MYH16: variants seen among roughly 807,000 people sequenced by gnomAD.
The protein encoded by MYH16 is myosin heavy chain 16, also known as putative uncharacterized protein MYH16.
chr7:99,261,767 AG>A (rs1791939990), intron 13 of MYH16: 1 of 152,374 alleles, frequency 6.6e-6, no homozygotes, highest in Non-Finnish European at 1.5e-5. Flanking sequence ...ATGGTATAAC[AG>A]GGTAATCAGC....
downstream of MYH16, among the ~76,000 whole-genome samples, chr7:99,307,137 C>T (rs1330419974): frequency 6.6e-6 from 1 of 152,188 alleles, no homozygotes; most frequent in Non-Finnish European, 1.5e-5. Flanking sequence ...TGTGATGCCA[C>T]TTGACACTAG....
chr7:99,284,074 G>C, intron 25 of MYH16, 56 bp downstream of exon 7: 4 of 400,860 alleles, frequency 1.0e-5, no homozygotes, highest in South Asian at 7.4e-5. Flanking sequence ...AGCTGGAGCT[G>C]CCTGGAGGGT....
At chr7:99,260,407 T>C (rs1484868111) in intron 12 of MYH16, 2 of 644,874 alleles carry the variant, frequency 3.1e-6, no homozygotes, top group Non-Finnish European at 2.7e-6. Context: ...TGCAGGGAGG[T>C]GGCACTTGGC....
chr7:99,302,299 C>CAAAAAAA (rs1267029344), intron 38 of MYH16, among the ~76,000 whole-genome samples: 2 of 87,632 alleles, frequency 2.3e-5, no homozygotes, highest in African/African-American at 1.3e-4. Flanking sequence ...GTGACCATCT[C>CAAAAAAA]AAAAAAAAAA....
At chr7:99,259,693 T>C (rs1791915634) in intron 11 of MYH16, among the ~76,000 whole-genome samples, 1 of 150,392 alleles carries the variant, frequency 6.6e-6, no homozygotes, top group Admixed American at 6.6e-5. Flanking sequence ...CTCTTTAATA[T>C]ATATGTGTGT....
chr7:99,280,092 T>C (rs1688041676), intron 22 of MYH16, among the ~76,000 whole-genome samples: 1 of 152,212 alleles, frequency 6.6e-6, no homozygotes, highest in Non-Finnish European at 1.5e-5. Flanking sequence ...AGACTGGTCT[T>C]GAACGCCTCA....
In MYH16 at chr7:99,295,106, C is replaced by T. The variant is rs111431103; in HGVS notation, n.4282+956C>T. ...GAAAGTTACATAATACGGCCGGGCG[C>T]GGTGGCTCATGCCTGTAATTCTAGC... On this transcript the variant is annotated intron_variant and non_coding_transcript_variant, in intron 33 of 41. Transcript: ENST00000439784. Among the ~76,000 whole-genome samples the T allele has an allele frequency of 7.0e-3, 1,059 of 151,926 alleles. 15 individuals carry two copies. Among genetic ancestry groups the T allele is most frequent in the African/African-American group, 0.024 (1,003 of 41,450 alleles).
intron 9 of MYH16, chr7:99,255,743 A>G (rs1008623050): frequency 6.5e-6 from 1 of 152,758 alleles, no homozygotes; most frequent in African/African-American, 2.4e-5. Flanking sequence ...CTCTGCATGC[A>G]TGGCCACTAG....
chr7:99,283,072 C>T (rs1354590999), intron 23 of MYH16, among the ~76,000 whole-genome samples: 1 of 152,158 alleles, frequency 6.6e-6, no homozygotes, highest in Non-Finnish European at 1.5e-5. Flanking sequence ...ATCACTGTGA[C>T]AACCAGAAGC....
chr7:99,254,710 C>T (rs1420654494), intron 8 of MYH16, among the ~76,000 whole-genome samples: 1 of 152,250 alleles, frequency 6.6e-6, no homozygotes, highest in Non-Finnish European at 1.5e-5. Context: ...GTCTTACACA[C>T]ACACACCTCC....
At chr7:99,287,457 C>A (rs1792294768) in intron 28 of MYH16, among the ~76,000 whole-genome samples, 1 of 149,808 alleles carries the variant, frequency 6.7e-6, no homozygotes, top group African/African-American at 2.5e-5. Context: ...TCACCTGAAC[C>A]CAGGAGGCGG....
intron 1 of MYH16, among the ~76,000 whole-genome samples, chr7:99,241,108 G>A (rs1791662223): frequency 6.6e-6 from 1 of 152,224 alleles, no homozygotes; most frequent in Non-Finnish European, 1.5e-5. Context: ...ATTTCCTTGA[G>A]TATCTGCAGC....
intron 12 of MYH16, chr7:99,260,975 G>A (rs1051452413): frequency 1.4e-4 from 21 of 152,210 alleles, no homozygotes; most frequent in African/African-American, 5.1e-4. Flanking sequence ...GCTGAGGGAG[G>A]AGAATCACTT....
intron 11 of MYH16, among the ~76,000 whole-genome samples, chr7:99,258,924 G>C (rs1225982740): frequency 1.3e-5 from 2 of 152,120 alleles, no homozygotes; most frequent in African/African-American, 4.8e-5. Context: ...TGACAATTCT[G>C]CATGGCTGGG....
chr7:99,306,905 G>T (rs1352236038), downstream of MYH16: 1 of 152,488 alleles, frequency 6.6e-6, no homozygotes, highest in Non-Finnish European at 1.5e-5. Context: ...TTTGCTGCTA[G>T]TATTGGTACT....
intron 19 of MYH16, among the ~76,000 whole-genome samples, chr7:99,272,219 G>C (rs532589495): frequency 6.6e-6 from 1 of 152,134 alleles, no homozygotes; most frequent in South Asian, 2.1e-4. Flanking sequence ...ATAGTTTCAA[G>C]TCATGTCACA....
intron 13 of MYH16, among the ~76,000 whole-genome samples, chr7:99,262,382 T>G (rs1045508205): frequency 6.6e-6 from 1 of 152,210 alleles, no homozygotes; most frequent in African/African-American, 2.4e-5. Context: ...ATAACCATAA[T>G]GCCAATTGCT....
At chr7:99,293,362 G>T (rs6651108) in intron 32 of MYH16, among the ~76,000 whole-genome samples, 7,198 of 152,238 alleles carry the variant, frequency 0.047, 238 homozygotes, top group African/African-American at 0.084. Flanking sequence ...ACTTCCAGCT[G>T]ATGCAATACT....
chr7:99,285,481 C>A (rs181488683), intron 27 of MYH16, 43 bp downstream of exon 9: 1 of 456,330 alleles, frequency 2.2e-6, no homozygotes, highest in Non-Finnish European at 4.4e-6. Flanking sequence ...AAAGACCTAA[C>A]GGCAGTCACA....
Sources: allele counts gnomAD v4.1 joint callset (sites outside exome capture counted in the v4.1 genomes callset), GRCh38; gene constraint gnomAD v4.1.1; transcripts MANE v1.5; gene names NCBI Gene and HGNC (gene_info 2026-07-23, HGNC 2026-07-21).